Variants in GNB4 observed in about 807,000 individuals in gnomAD.
The protein encoded by GNB4 is guanine nucleotide-binding protein subunit beta-4.
In GNB4, 28 loss-of-function variants were observed where a neutral mutation model predicts 45.2. The ratio of observed to expected loss-of-function variants is 0.62; its 90% CI spans 0.46 to 0.85. The LOEUF is 0.85. Ranked by LOEUF, GNB4 falls within the 40% of genes least tolerant of loss-of-function variation. The pLI, the probability that GNB4 is intolerant of heterozygous loss-of-function variation, is 0.00. For synonymous variants in GNB4, 132 were observed against 143.7 expected (o/e 0.92, Z 0.58); for missense variants, 321 against 425.4 (o/e 0.75, Z 2.16).
At chr3:179,510,169 A>G in the GNB4 span, among the ~76,000 whole-genome samples, 1 of 151,974 alleles carries the variant, frequency 6.6e-6, no homozygotes, top group South Asian at 2.1e-4. Context: ...ATAGGAAAAC[A>G]AATTGAGCCA....
chr3:179,486,220 C>CA, the GNB4 span, among the ~76,000 whole-genome samples: 92,026 of 123,758 alleles, frequency 0.74, 34,229 homozygotes, highest in East Asian at 0.96. Flanking sequence ...GACTCTGTCT[C>CA]AAAAAAAAAA....
chr3:179,420,773 G>T (rs1714956370), intron 3 of GNB4, 116 bp downstream of exon 3: 4 of 712,174 alleles, frequency 5.6e-6, no homozygotes, highest in Non-Finnish European at 7.6e-6. Flanking sequence ...TTTACACAGA[G>T]ATTTCATTTA....
chr3:179,423,734 T>C (rs534935901), intron 2 of GNB4, among the ~76,000 whole-genome samples: 1 of 150,928 alleles, frequency 6.6e-6, no homozygotes, highest in East Asian at 2.0e-4. Context: ...TGAGAAGAGA[T>C]CGCACCACTG....
At chr3:179,468,044 A>ATATATATG in the GNB4 span, among the ~76,000 whole-genome samples, 23 of 99,084 alleles carry the variant, frequency 2.3e-4, 4 homozygotes, top group South Asian at 2.4e-3. Context: ...AAATATATAT[A>ATATATATG]TATATAGAAC....
chr3:179,432,776 A>G (rs180786977), intron 1 of GNB4, among the ~76,000 whole-genome samples: 78 of 152,360 alleles, frequency 5.1e-4, no homozygotes, highest in Non-Finnish European at 1.0e-3. Flanking sequence ...ACACATTTTG[A>G]CAGCAGAAGA....
chr3:179,514,826 C>G, the GNB4 span, among the ~76,000 whole-genome samples: 5 of 152,208 alleles, frequency 3.3e-5, no homozygotes, highest in African/African-American at 1.2e-4. Flanking sequence ...GTTGTTTAAG[C>G]TGCCCAGTCT....
rs1471080508 is a variant in GNB4 at position 179,416,562 on chromosome 3, G to GA, written c.204-7_204-6insT. 1 of 1,578,768 alleles carries GA rather than the reference G, an allele frequency of 6.3e-7. No homozygotes were observed. Among genetic ancestry groups the GA allele is most frequent in the Non-Finnish European group, 8.6e-7 (1 of 1,160,294 alleles). On this transcript the variant is annotated splice_region_variant and splice_polypyrimidine_tract_variant and intron_variant, in intron 4 of 9. Transcript: ENST00000232564. ...GAGAAGCACTGACTAGCAGCCTAGA[G>GA]GAACAAACACAAAAATAATTTGACA...
the GNB4 span, among the ~76,000 whole-genome samples, chr3:179,488,158 T>A: frequency 1.3e-5 from 2 of 152,170 alleles, no homozygotes; most frequent in African/African-American, 4.8e-5. Flanking sequence ...AAAGAGTGAT[T>A]TCCGTAACCT....
chr3:179,458,133 G>A, the GNB4 span, among the ~76,000 whole-genome samples: 1,725 of 152,236 alleles, frequency 0.011, 35 homozygotes, highest in African/African-American at 0.04. Flanking sequence ...TTGAACTGCT[G>A]ATCTCGTGAT....
intron 5 of GNB4, among the ~76,000 whole-genome samples, chr3:179,415,735 G>A (rs542080332): frequency 5.0e-4 from 76 of 152,046 alleles, no homozygotes; most frequent in African/African-American, 1.7e-3. Flanking sequence ...AAAATAATAC[G>A]CTTAAAATAC....
chr3:179,509,366 A>C, the GNB4 span, among the ~76,000 whole-genome samples: 10 of 152,250 alleles, frequency 6.6e-5, 1 homozygote, highest in African/African-American at 2.4e-4. Context: ...TAGTGAAATA[A>C]CACTACGAAA....
At chr3:179,416,614 G>C in intron 4 of GNB4, 58 bp from the exon 5 acceptor site, 1 of 984,866 alleles carries the variant, frequency 1.0e-6, no homozygotes, top group Non-Finnish European at 1.6e-6. Flanking sequence ...AGCTTAAATT[G>C]GTTATGCATT....
the GNB4 span, among the ~76,000 whole-genome samples, chr3:179,483,394 A>C: frequency 6.6e-6 from 1 of 152,070 alleles, no homozygotes; most frequent in African/African-American, 2.4e-5. Context: ...TATTATAAAT[A>C]AATAGTATCA....
At chr3:179,426,530 C>A (rs1715151151) in intron 1 of GNB4, among the ~76,000 whole-genome samples, 1 of 152,108 alleles carries the variant, frequency 6.6e-6, no homozygotes, top group Admixed American at 6.5e-5. Context: ...AAATATTTTA[C>A]AACAGTTCAG....
At chr3:179,510,005 TA>T in the GNB4 span, among the ~76,000 whole-genome samples, 2 of 152,118 alleles carry the variant, frequency 1.3e-5, no homozygotes, top group Non-Finnish European at 2.9e-5. Flanking sequence ...TATTTTATTT[TA>T]TTTTTTTAAG....
chr3:179,520,809 T>C, the GNB4 span, among the ~76,000 whole-genome samples: 3 of 152,128 alleles, frequency 2.0e-5, no homozygotes, highest in African/African-American at 7.2e-5. Flanking sequence ...TTTCCTTCTT[T>C]CCTGTTCCTC....
chr3:179,522,790 T>G, the GNB4 span, among the ~76,000 whole-genome samples: 1 of 151,914 alleles, frequency 6.6e-6, no homozygotes, highest in Non-Finnish European at 1.5e-5. Context: ...GGGTCAGGTG[T>G]GGTATCAGGA....
the GNB4 span, among the ~76,000 whole-genome samples, chr3:179,506,316 C>T: frequency 1.3e-5 from 2 of 151,282 alleles, no homozygotes; most frequent in Admixed American, 1.3e-4. Context: ...CCAGCCTGGG[C>T]GATGAAGTGA....
At chr3:179,409,819 AC>A (rs1560211855) in intron 8 of GNB4, among the ~76,000 whole-genome samples, 7 of 116,034 alleles carry the variant, frequency 6.0e-5, no homozygotes, top group African/African-American at 2.4e-4. Context: ...AAAAAAAAAA[AC>A]AAAAAAACAA....
Sources: allele counts gnomAD v4.1 joint callset (sites outside exome capture counted in the v4.1 genomes callset), GRCh38; gene constraint gnomAD v4.1.1; transcripts MANE v1.5; gene names NCBI Gene and HGNC (gene_info 2026-07-23, HGNC 2026-07-21).